Variants in PTPN4 observed in about 807,000 individuals in gnomAD.
The protein encoded by PTPN4 is protein tyrosine phosphatase non-receptor type 4.
In PTPN4, 49 loss-of-function variants were observed where a neutral mutation model predicts 135.5. That is an observed-to-expected ratio of 0.36 (90% CI 0.29 to 0.46). The LOEUF is 0.46. Among genes scored for constraint, PTPN4 ranks in the 20% least tolerant of loss-of-function variants. PTPN4 has a pLI of 1.00. For synonymous variants in PTPN4, 333 were observed against 369.9 expected (o/e 0.90, Z 1.14); for missense variants, 860 against 1,101.0 (o/e 0.78, Z 3.10).
intron 15 of PTPN4, among the ~76,000 whole-genome samples, chr2:119,935,960 T>C (rs1678975820): frequency 6.6e-6 from 1 of 152,180 alleles, no homozygotes; most frequent in African/African-American, 2.4e-5. Flanking sequence ...TTAAAGGGCC[T>C]TTTCCAAAGA....
At chr2:119,847,804 ACTAT>A (rs1379076683) in intron 2 of PTPN4, among the ~76,000 whole-genome samples, 1 of 152,164 alleles carries the variant, frequency 6.6e-6, no homozygotes, top group African/African-American at 2.4e-5. Context: ...TGTGGAAATG[ACTAT>A]CTTTATTTTG....
intron 1 of PTPN4, among the ~76,000 whole-genome samples, chr2:119,802,359 A>G (rs935840256): frequency 6.6e-6 from 1 of 152,064 alleles, no homozygotes; most frequent in East Asian, 1.9e-4. Context: ...TTTTTTGTAG[A>G]TGCTTTTTAT....
chr2:119,946,780 A>G, intron 18 of PTPN4: 1 of 473,904 alleles, frequency 2.1e-6, no homozygotes, highest in Non-Finnish European at 3.7e-6. Flanking sequence ...TTTATAAAGA[A>G]GCTATTTATG....
At chr2:119,797,312 T>TG (rs1194759449) in intron 1 of PTPN4, among the ~76,000 whole-genome samples, 5 of 152,342 alleles carry the variant, frequency 3.3e-5, no homozygotes, top group Non-Finnish European at 7.4e-5. Flanking sequence ...TGGACTGTTT[T>TG]GTTCCATTGA....
chr2:119,914,329 G>T (rs1678619053), intron 10 of PTPN4, among the ~76,000 whole-genome samples: 1 of 140,946 alleles, frequency 7.1e-6, no homozygotes, highest in South Asian at 2.2e-4. Context: ...CCCATGTCGA[G>T]TGAAAGCTCA....
At chr2:119,883,852 A>G (rs1678115568) in intron 8 of PTPN4, among the ~76,000 whole-genome samples, 1 of 152,214 alleles carries the variant, frequency 6.6e-6, no homozygotes, top group South Asian at 2.1e-4. Flanking sequence ...TGTTATTATT[A>G]AGAAAACTTA....
chr2:119,956,237 A>ATTT (rs10627020), intron 20 of PTPN4, among the ~76,000 whole-genome samples: 5,690 of 100,968 alleles, frequency 0.056, 308 homozygotes, highest in Non-Finnish European at 0.069. Context: ...ATAAACCTGA[A>ATTT]TTTTTTTTTT....
intron 1 of PTPN4, among the ~76,000 whole-genome samples, chr2:119,803,752 C>G (rs1017379537): frequency 2.0e-5 from 3 of 151,830 alleles, no homozygotes; most frequent in Non-Finnish European, 4.4e-5. Context: ...GGGAGTTGAG[C>G]TCTCCTATAA....
At chr2:119,908,566 C>T (rs1051722065) in intron 10 of PTPN4, among the ~76,000 whole-genome samples, 19 of 152,282 alleles carry the variant, frequency 1.2e-4, no homozygotes, top group African/African-American at 4.1e-4. Context: ...GCCCCACTGA[C>T]TGGCCGTTTC....
At chr2:119,866,757 G>C (rs1282862477) in intron 3 of PTPN4, among the ~76,000 whole-genome samples, 4 of 151,974 alleles carry the variant, frequency 2.6e-5, no homozygotes, top group Admixed American at 2.6e-4. Flanking sequence ...TCACATACAG[G>C]CTGACCGTTA....
chr2:119,766,455 T>TC (rs1558718900), intron 1 of PTPN4, among the ~76,000 whole-genome samples: 2 of 135,528 alleles, frequency 1.5e-5, no homozygotes, highest in Non-Finnish European at 3.2e-5. Context: ...CGCGCGTGTG[T>TC]GTGTGTGTGT....
intron 8 of PTPN4, 36 bp from the exon 9 acceptor site, chr2:119,885,759 A>AT (rs750608861): frequency 1.4e-6 from 2 of 1,380,878 alleles, no homozygotes; most frequent in Non-Finnish European, 2.0e-6. Flanking sequence ...TGATTGATTG[A>AT]TTGATCTCAT....
chr2:119,930,430 T>C (rs999737686), intron 13 of PTPN4, among the ~76,000 whole-genome samples: 6 of 152,066 alleles, frequency 3.9e-5, no homozygotes, highest in Admixed American at 1.3e-4. Context: ...GGCTAAAATA[T>C]TGCCCTGAAA....
chr2:119,842,493 G>A (rs540517410), intron 2 of PTPN4, among the ~76,000 whole-genome samples: 2 of 152,176 alleles, frequency 1.3e-5, no homozygotes, highest in South Asian at 4.1e-4. Flanking sequence ...ATGGCCAACC[G>A]TTTTCATGGT....
chr2:119,856,499 C>T (rs1443581983), intron 2 of PTPN4, among the ~76,000 whole-genome samples: 1 of 152,102 alleles, frequency 6.6e-6, no homozygotes. Context: ...CCATTTATGC[C>T]TCATAAATCT....
At chr2:119,933,771 C>T (rs1029768132) in intron 14 of PTPN4, among the ~76,000 whole-genome samples, 1 of 151,836 alleles carries the variant, frequency 6.6e-6, no homozygotes, top group African/African-American at 2.4e-5. Flanking sequence ...GTTTGGTTCA[C>T]AGAGCTTTAA....
chr2:119,817,336 T>G (rs1345082436), intron 2 of PTPN4, among the ~76,000 whole-genome samples: 1 of 152,112 alleles, frequency 6.6e-6, no homozygotes, highest in Non-Finnish European at 1.5e-5. Context: ...CATTGCTTTT[T>G]TTTTTTTTTA....
At chr2:119,875,082 TATTC>T (rs1395544626) in intron 3 of PTPN4, among the ~76,000 whole-genome samples, 1 of 152,238 alleles carries the variant, frequency 6.6e-6, no homozygotes, top group Non-Finnish European at 1.5e-5. Flanking sequence ...CTTGCATTCT[TATTC>T]ATTGCCTGTT....
chr2:119,955,590 A>C (rs950995096), intron 20 of PTPN4, among the ~76,000 whole-genome samples: 6 of 152,194 alleles, frequency 3.9e-5, no homozygotes, highest in Non-Finnish European at 8.8e-5. Flanking sequence ...TCTATAGTTA[A>C]ATAGCTGTTT....
Sources: gnomAD v4.1 joint callset for allele counts (sites outside exome capture counted in the v4.1 genomes callset) on GRCh38, gnomAD v4.1.1 for gene constraint, MANE v1.5 for transcripts, NCBI Gene and HGNC (gene_info 2026-07-23, HGNC 2026-07-21) for gene names.